ROBO2: variants seen among roughly 807,000 people sequenced by gnomAD.
The protein encoded by ROBO2 is roundabout guidance receptor 2, also known as roundabout homolog 2.
A neutral mutation model predicts 160.8 loss-of-function variants in ROBO2; 53 were observed. The ratio of observed to expected loss-of-function variants is 0.33; its 90% CI spans 0.26 to 0.41. ROBO2 has a LOEUF of 0.41. Ranked by LOEUF, ROBO2 falls within the 10% of genes least tolerant of loss-of-function variation. The pLI, the probability that ROBO2 is intolerant of heterozygous loss-of-function variation, is 1.00. For missense variants in ROBO2, 1,577 were observed against 1,722.4 expected (o/e 0.92, Z 1.49); for synonymous variants, 664 against 611.7 (o/e 1.09, Z -1.26).
chr3:76,997,925 A>G (rs184016809), intron 2 of ROBO2, among the ~76,000 whole-genome samples: 139 of 152,242 alleles, frequency 9.1e-4, no homozygotes, highest in African/African-American at 3.1e-3. Context: ...CTTTCCCATC[A>G]TCTAGGAAAC....
intron 2 of ROBO2, among the ~76,000 whole-genome samples, chr3:76,457,336 C>T (rs527251314): frequency 2.4e-4 from 37 of 152,286 alleles, no homozygotes; most frequent in South Asian, 1.2e-3. Flanking sequence ...CACGCAAGTC[C>T]GAAATCCAGC....
chr3:76,891,105 T>C lies in ROBO2; in HGVS notation c.110-206909T>C, dbSNP rs1365404053. Among the ~76,000 whole-genome samples the C allele has an allele frequency of 3.3e-5, 5 of 152,214 alleles. No individual in the cohort carries two copies. In the East Asian group the frequency reaches 9.6e-4, roughly 29 times the overall value. Reference sequence around the variant, plus strand: ...ACTTTTTGTTCATTAATATACTTGATGGAATTTAATTTATGTAGTTCTTAA... The same window carrying C: ...ACTTTTTGTTCATTAATATACTTGACGGAATTTAATTTATGTAGTTCTTAA... On this transcript the variant is annotated intron_variant, in intron 2 of 26. Transcript: ENST00000487694.
At chr3:75,923,765 G>T (rs1206119010) in intron 1 of ROBO2, among the ~76,000 whole-genome samples, 1 of 152,168 alleles carries the variant, frequency 6.6e-6, no homozygotes, top group African/African-American at 2.4e-5. Context: ...AAAGACTATT[G>T]CTAAGCACAT....
chr3:77,032,816 G>A (rs1175904234), intron 2 of ROBO2, among the ~76,000 whole-genome samples: 1 of 80,968 alleles, frequency 1.2e-5, no homozygotes, highest in Non-Finnish European at 2.2e-5. Flanking sequence ...GAGCGCCAAG[G>A]GGGTAAGGTA....
At chr3:77,019,387 TC>T (rs1255398899) in intron 2 of ROBO2, among the ~76,000 whole-genome samples, 1 of 151,970 alleles carries the variant, frequency 6.6e-6, no homozygotes, top group Non-Finnish European at 1.5e-5. Context: ...GACATCATCA[TC>T]CCCCAAAAAC....
chr3:76,062,097 T>C (rs1191253470), intron 2 of ROBO2, among the ~76,000 whole-genome samples: 1 of 152,186 alleles, frequency 6.6e-6, no homozygotes, highest in East Asian at 1.9e-4. Flanking sequence ...TAACTTTCCC[T>C]GTGCTATGTA....
chr3:76,612,109 CA>C (rs1228098797), intron 2 of ROBO2, among the ~76,000 whole-genome samples: 1 of 152,092 alleles, frequency 6.6e-6, no homozygotes, highest in Non-Finnish European at 1.5e-5. Context: ...CTATTGTGGT[CA>C]AAGAAGATAC....
intron 2 of ROBO2, among the ~76,000 whole-genome samples, chr3:76,467,302 G>A (rs1006223756): frequency 2.6e-5 from 4 of 151,976 alleles, no homozygotes; most frequent in Admixed American, 6.6e-5. Context: ...AAAACTCATG[G>A]TTACTGTATA....
intron 2 of ROBO2, among the ~76,000 whole-genome samples, chr3:76,336,702 G>T (rs1463663725): frequency 2.0e-5 from 3 of 151,920 alleles, no homozygotes. Flanking sequence ...GTTTATTTTA[G>T]GCCATTTTGA....
chr3:76,677,647 A>G (rs2106832516), intron 2 of ROBO2, among the ~76,000 whole-genome samples: 1 of 152,186 alleles, frequency 6.6e-6, no homozygotes, highest in Non-Finnish European at 1.5e-5. Context: ...CTTCTTCATA[A>G]AGTAATAGCT....
intron 2 of ROBO2, among the ~76,000 whole-genome samples, chr3:76,073,889 G>A (rs1375066225): frequency 1.3e-5 from 2 of 151,998 alleles, no homozygotes; most frequent in Non-Finnish European, 2.9e-5. Flanking sequence ...TAAAGGCACT[G>A]CCTTGAGCTT....
In ROBO2 at chr3:76,256,741, A is replaced by G. The variant is rs145962407; in HGVS notation, c.109+319139A>G. On this transcript the variant is annotated intron_variant, in intron 2 of 26. Transcript: ENST00000487694. ...AGGCCACTCTTGCATTGCTATAAAG[A>G]AACACCCGAGACTGGGTAATTTATA... Among the ~76,000 whole-genome samples the G allele has an allele frequency of 1.6e-3, 237 of 152,094 alleles. 1 individual carries two copies. Among genetic ancestry groups the G allele is most frequent in the African/African-American group, 5.4e-3 (224 of 41,488 alleles).
At chr3:76,908,282 T>C (rs1375554073) in intron 2 of ROBO2, among the ~76,000 whole-genome samples, 2 of 152,222 alleles carry the variant, frequency 1.3e-5, no homozygotes, top group African/African-American at 4.8e-5. Context: ...TTAGTATTTA[T>C]GGAAAAGAAT....
At chr3:76,644,762 C>T (rs1171959505) in intron 2 of ROBO2, among the ~76,000 whole-genome samples, 1 of 152,216 alleles carries the variant, frequency 6.6e-6, no homozygotes, top group African/African-American at 2.4e-5. Context: ...CCATTAACCA[C>T]ATCCACAGCT....
chr3:76,929,386 C>T (rs753719597), intron 2 of ROBO2, among the ~76,000 whole-genome samples: 38 of 152,308 alleles, frequency 2.5e-4, no homozygotes, highest in African/African-American at 7.7e-4. Context: ...ACATTTTCTA[C>T]TCCTCTTTCT....
intron 2 of ROBO2, among the ~76,000 whole-genome samples, chr3:76,284,964 T>C (rs1396919629): frequency 6.6e-6 from 1 of 152,166 alleles, no homozygotes; most frequent in Non-Finnish European, 1.5e-5. Flanking sequence ...TCAAAGGCTT[T>C]TAGCAAACCT....
chr3:77,153,306 C>A (rs773942750), intron 2 of ROBO2, among the ~76,000 whole-genome samples: 6 of 151,678 alleles, frequency 4.0e-5, no homozygotes, highest in Non-Finnish European at 7.4e-5. Context: ...TTTATTTTTT[C>A]TTGTTTCATA....
intron 2 of ROBO2, among the ~76,000 whole-genome samples, chr3:76,863,440 A>G (rs1436619893): frequency 7.2e-6 from 1 of 139,534 alleles, no homozygotes; most frequent in Admixed American, 7.0e-5. Context: ...CCTGTCTCAA[A>G]AAAAAAGAAA....
chr3:76,334,405 G>C (rs1467490018), intron 2 of ROBO2, among the ~76,000 whole-genome samples: 2 of 152,154 alleles, frequency 1.3e-5, no homozygotes, highest in Non-Finnish European at 2.9e-5. Context: ...AGTGTACTTA[G>C]AGAAATCTGC....
Sources: gnomAD v4.1 joint callset for allele counts (sites outside exome capture counted in the v4.1 genomes callset) on GRCh38, gnomAD v4.1.1 for gene constraint, MANE v1.5 for transcripts, NCBI Gene and HGNC (gene_info 2026-07-23, HGNC 2026-07-21) for gene names.